LRP1B: variants seen among roughly 807,000 people sequenced by gnomAD.
LRP1B encodes low-density lipoprotein receptor-related protein 1B.
LRP1B carries 217 observed loss-of-function variants against 556.6 expected under a neutral mutation model. That is an observed-to-expected ratio of 0.39 (90% CI 0.35 to 0.44). The LOEUF is 0.44. LRP1B is among the 20% of genes least tolerant of loss of function. The pLI, the probability that LRP1B is intolerant of heterozygous loss-of-function variation, is 1.00. For missense variants in LRP1B, 5,053 were observed against 5,620.8 expected (o/e 0.90, Z 3.23); for synonymous variants, 2,047 against 1,865.8 (o/e 1.10, Z -2.50).
chr2:140,668,823 T>G (rs1157931775), intron 41 of LRP1B, among the ~76,000 whole-genome samples: 1 of 152,130 alleles, frequency 6.6e-6, no homozygotes, highest in East Asian at 1.9e-4. Flanking sequence ...TGACCAGCAC[T>G]TATACAAAGA....
chr2:140,966,556 C>A (rs1037016022), intron 18 of LRP1B, among the ~76,000 whole-genome samples: 1 of 152,162 alleles, frequency 6.6e-6, no homozygotes, highest in African/African-American at 2.4e-5. Context: ...AATTAGATCC[C>A]ATTTGTCAAT....
chr2:141,478,423 A>C (rs1426600353), intron 3 of LRP1B, among the ~76,000 whole-genome samples: 1 of 152,218 alleles, frequency 6.6e-6, no homozygotes, highest in African/African-American at 2.4e-5. Context: ...GAGTTGAATA[A>C]AATTAGGATC....
chr2:141,886,800 C>A (rs1309008171), intron 1 of LRP1B, among the ~76,000 whole-genome samples: 2 of 152,136 alleles, frequency 1.3e-5, no homozygotes, highest in Non-Finnish European at 2.9e-5. Context: ...ATACATTCTG[C>A]CTTCATCCTT....
At chr2:141,477,166 A>G (rs1682743422) in intron 3 of LRP1B, among the ~76,000 whole-genome samples, 1 of 111,602 alleles carries the variant, frequency 9.0e-6, no homozygotes, top group Non-Finnish European at 2.1e-5. Context: ...AAAACAAACA[A>G]ACAAAAAAAC....
At chr2:141,926,397 A>G (rs1558966120) in intron 1 of LRP1B, among the ~76,000 whole-genome samples, 1 of 152,100 alleles carries the variant, frequency 6.6e-6, no homozygotes, top group African/African-American at 2.4e-5. Context: ...TTTCCCCTCT[A>G]TTGTATCCAT....
At chr2:140,251,208 T>C (rs1205447114) in intron 86 of LRP1B, among the ~76,000 whole-genome samples, 2 of 151,790 alleles carry the variant, frequency 1.3e-5, no homozygotes. Context: ...TCAAAATAAG[T>C]TTGGCTTTTA....
chr2:141,963,016 T>A (rs556233097), intron 1 of LRP1B, among the ~76,000 whole-genome samples: 1 of 151,908 alleles, frequency 6.6e-6, no homozygotes, highest in African/African-American at 2.4e-5. Context: ...AAAATAAGAT[T>A]TTTTATTCAT....
chr2:140,521,739 A>T (rs960195182), intron 49 of LRP1B, among the ~76,000 whole-genome samples: 15 of 152,100 alleles, frequency 9.9e-5, no homozygotes, highest in Admixed American at 2.0e-4. Context: ...TAAACTGGAT[A>T]AAAAAGCAAA....
chr2:141,978,167 A>G (rs910904773), intron 1 of LRP1B, among the ~76,000 whole-genome samples: 7 of 152,126 alleles, frequency 4.6e-5, no homozygotes, highest in Non-Finnish European at 8.8e-5. Context: ...TAGTGAGTGA[A>G]TGAACTTATC....
intron 2 of LRP1B, among the ~76,000 whole-genome samples, chr2:141,660,037 C>T (rs1690153749): frequency 6.6e-6 from 1 of 151,900 alleles, no homozygotes; most frequent in Non-Finnish European, 1.5e-5. Context: ...AGAGAGGGGC[C>T]AAAAGGGCCA....
intron 1 of LRP1B, among the ~76,000 whole-genome samples, chr2:141,908,917 T>C (rs1699831239): frequency 1.3e-5 from 2 of 152,076 alleles, no homozygotes; most frequent in East Asian, 3.9e-4. Context: ...ATTTTATAAA[T>C]GAAGAACATG....
At chr2:140,687,611 TTCTC>T (rs901286921) in intron 41 of LRP1B, among the ~76,000 whole-genome samples, 3 of 151,638 alleles carry the variant, frequency 2.0e-5, no homozygotes, top group Admixed American at 6.6e-5. Flanking sequence ...AATATACTCT[TTCTC>T]TCTCTCTCTC....
intron 1 of LRP1B, among the ~76,000 whole-genome samples, chr2:142,072,927 C>CAG (rs1247027531): frequency 1.3e-5 from 2 of 152,010 alleles, no homozygotes; most frequent in East Asian, 1.9e-4. Flanking sequence ...TTATTTCCTT[C>CAG]AGGAAGAAAA....
intron 79 of LRP1B, among the ~76,000 whole-genome samples, chr2:140,327,894 A>AAAGT (rs1680575527): frequency 6.6e-6 from 1 of 152,018 alleles, no homozygotes; most frequent in South Asian, 2.1e-4. Flanking sequence ...ATTATATAAC[A>AAAGT]AAGTTTATGG....
Position 140,456,629 on chromosome 2 carries a change from A to C in LRP1B, c.9815-26T>G, listed in dbSNP as rs747021419. On this transcript the variant is annotated intron_variant, in intron 61 of 90. Coordinates refer to ENST00000389484, the MANE Select transcript of LRP1B (RefSeq NM_018557.3). The stretch of plus-strand genomic sequence containing the variant: ...CTAAAGATAAGAAAGAAACAACAAC[A>C]ACAAAACAGGATAATCAAGACTAAT... 8.1e-6 allele frequency: 13 copies of C among 1,596,438 alleles called. No individual in the cohort carries two copies. The East Asian group carries it at 2.9e-4, about 36-fold the overall frequency.
chr2:141,251,658 T>C (rs1292246948), intron 4 of LRP1B, among the ~76,000 whole-genome samples: 4 of 151,920 alleles, frequency 2.6e-5, no homozygotes, highest in African/African-American at 7.3e-5. Flanking sequence ...TTTAAATATG[T>C]ATGAAAAAAG....
intron 45 of LRP1B, among the ~76,000 whole-genome samples, chr2:140,539,672 T>C (rs1680062216): frequency 6.6e-6 from 1 of 152,138 alleles, no homozygotes; most frequent in Non-Finnish European, 1.5e-5. Context: ...TGAGTGATTC[T>C]AACGCATGGC....
intron 1 of LRP1B, among the ~76,000 whole-genome samples, chr2:141,980,909 T>G (rs1301364656): frequency 6.6e-6 from 1 of 151,904 alleles, no homozygotes; most frequent in Non-Finnish European, 1.5e-5. Context: ...AAAAGCTACA[T>G]CCTACCTATT....
intron 3 of LRP1B, among the ~76,000 whole-genome samples, chr2:141,378,094 A>C (rs1398544867): frequency 6.6e-6 from 1 of 152,204 alleles, no homozygotes; most frequent in Non-Finnish European, 1.5e-5. Flanking sequence ...CACTATAACA[A>C]ACAGCTACAA....
Sources: allele counts gnomAD v4.1 joint callset (sites outside exome capture counted in the v4.1 genomes callset), GRCh38; gene constraint gnomAD v4.1.1; transcripts MANE v1.5; gene names NCBI Gene and HGNC (gene_info 2026-07-23, HGNC 2026-07-21).